The following H2AZ2 variants were observed in gnomAD, a reference collection of about 807,000 sequenced individuals.
H2AZ2 encodes the protein histone H2A.V.
Under a neutral mutation model 15.5 loss-of-function variants are expected in H2AZ2, and 5 were observed. The observed-to-expected ratio is 0.32, with a 90% CI of 0.17 to 0.68. The LOEUF is 0.68. Ranked by LOEUF, H2AZ2 falls within the 30% of genes least tolerant of loss-of-function variation. The pLI, the probability that H2AZ2 is intolerant of heterozygous loss-of-function variation, is 0.72. For missense variants in H2AZ2, 42 were observed against 162.5 expected (o/e 0.26, Z 4.03); for synonymous variants, 44 against 57.4 (o/e 0.77, Z 1.05).
At chr7:44,843,194 A>T in intron 2 of H2AZ2, 83 bp downstream of exon 2, 1 of 418,014 alleles carries the variant, frequency 2.4e-6, no homozygotes, top group South Asian at 2.6e-5. Flanking sequence ...TAATACAAGT[A>T]GATTTTTGTA....
At chr7:44,837,832 G>A (rs148649947) in intron 3 of H2AZ2, among the ~76,000 whole-genome samples, 24 of 38,798 alleles carry the variant, frequency 6.2e-4, no homozygotes, top group South Asian at 1.7e-3. Flanking sequence ...TTAAAAAAAA[G>A]GGGGGGGGGG....
At chr7:44,827,954 T>C (rs1039316979), downstream of H2AZ2, 11 of 152,354 alleles carry the variant, frequency 7.2e-5, no homozygotes, top group African/African-American at 2.4e-4. Context: ...TTTAGTTTTC[T>C]AGGTGCATAA....
downstream of H2AZ2, chr7:44,830,083 A>G: frequency 6.4e-7 from 1 of 1,552,938 alleles, no homozygotes; most frequent in African/African-American, 1.4e-5. Flanking sequence ...ATCCCAGTAG[A>G]ATCTTGTTCC....
intron 2 of H2AZ2, among the ~76,000 whole-genome samples, chr7:44,842,001 C>T (rs1252480168): frequency 6.6e-6 from 1 of 152,228 alleles, no homozygotes; most frequent in Non-Finnish European, 1.5e-5. Flanking sequence ...CTAACCCTAA[C>T]TTGACCTTTG....
chr7:44,837,061 A>G lies in H2AZ2; in HGVS notation c.196-1403T>C, dbSNP rs1001252472. 5.3e-5 allele frequency among the ~76,000 whole-genome samples: 8 copies of G among 152,082 alleles called. No individual in the cohort carries two copies. In the East Asian group the frequency reaches 1.6e-3, roughly 30 times the overall value. On this transcript the variant is annotated intron_variant, in intron 3 of 4. Transcript: ENST00000308153. ...AAAAAAACAGACACAGGGTTTCACCATATTGGCCAGGCTGGTCTCAAATTC... is the reference window on the plus strand; with the variant it reads ...AAAAAAACAGACACAGGGTTTCACCGTATTGGCCAGGCTGGTCTCAAATTC...
chr7:44,828,256 G>A (rs1343396433), downstream of H2AZ2: 5 of 152,234 alleles, frequency 3.3e-5, no homozygotes, highest in East Asian at 5.8e-4. Context: ...AACGACCTTG[G>A]TACTTCCTGC....
intron 4 of H2AZ2, 152 bp downstream of exon 4, chr7:44,835,377 T>C: frequency 1.9e-6 from 1 of 536,436 alleles, no homozygotes; most frequent in African/African-American, 1.9e-5. Flanking sequence ...CAGATCATTA[T>C]GAAAAGCTTA....
At chr7:44,830,310 A>G (rs17134715), downstream of H2AZ2, 550 of 724,534 alleles carry the variant, frequency 7.6e-4, 2 homozygotes, top group African/African-American at 9.0e-3. Context: ...TCACTGGATA[A>G]CTACTGGAAC....
intron 3 of H2AZ2, among the ~76,000 whole-genome samples, chr7:44,836,992 T>G (rs917724288): frequency 2.1e-5 from 3 of 144,054 alleles, no homozygotes; most frequent in Non-Finnish European, 4.6e-5. Flanking sequence ...CGAGACTCTG[T>G]CTCGAAAAGA....
At chr7:44,843,945 T>C (rs1455633401) in intron 1 of H2AZ2, among the ~76,000 whole-genome samples, 1 of 152,062 alleles carries the variant, frequency 6.6e-6, no homozygotes, top group Non-Finnish European at 1.5e-5. Context: ...TATGCATACA[T>C]GAAATATTTC....
intron 4 of H2AZ2, 147 bp from the exon 5 acceptor site, chr7:44,834,709 G>C (rs987587418): frequency 3.0e-6 from 2 of 659,708 alleles, no homozygotes; most frequent in Non-Finnish European, 4.9e-6. Context: ...TACACCCCAG[G>C]GGTCTGTGAA....
chr7:44,841,781 T>C (rs1793281738), intron 2 of H2AZ2, among the ~76,000 whole-genome samples: 1 of 152,234 alleles, frequency 6.6e-6, no homozygotes, highest in Non-Finnish European at 1.5e-5. Flanking sequence ...TCTGTGCCTT[T>C]CTTACAGGCC....
intron 2 of H2AZ2, among the ~76,000 whole-genome samples, chr7:44,841,654 C>A (rs767069821): frequency 4.1e-4 from 63 of 152,208 alleles, no homozygotes; most frequent in Non-Finnish European, 6.6e-4. Context: ...GGATTATAGG[C>A]GCGCCAGGAC....
chr7:44,828,047 T>C (rs935257590), downstream of H2AZ2: 3 of 152,200 alleles, frequency 2.0e-5, no homozygotes, highest in Non-Finnish European at 4.4e-5. Flanking sequence ...TGGCTATTTT[T>C]TTCTGTTAGT....
Position 44,841,023 on chromosome 7 carries a change from G to T in H2AZ2, c.82-11C>A. ...GCGGCCCACAGGAAACTAAAAGAGA[G>T]ATGTCTTAGTGGGAAGCACTGCAGA... On this transcript the variant is annotated splice_polypyrimidine_tract_variant and intron_variant, in intron 2 of 4. Coordinates refer to ENST00000308153, the MANE Select transcript of H2AZ2 (RefSeq NM_012412.5). The T allele has an allele frequency of 6.2e-7, 1 of 1,600,520 alleles. No homozygotes were observed. The highest frequency in any genetic ancestry group is 8.6e-7 in the Non-Finnish European group (1 of 1,167,842).
chr7:44,843,800 C>T (rs571885803), intron 1 of H2AZ2, among the ~76,000 whole-genome samples: 5 of 152,174 alleles, frequency 3.3e-5, no homozygotes, highest in East Asian at 3.9e-4. Context: ...TCAAGTGATC[C>T]GCCCGCCTAG....
chr7:44,828,057 T>C (rs1792950511), downstream of H2AZ2: 1 of 152,208 alleles, frequency 6.6e-6, no homozygotes, highest in Non-Finnish European at 1.5e-5. Flanking sequence ...TTTCTGTTAG[T>C]TCACATATTA....
rs1176788368 is a variant in H2AZ2 at position 44,847,887 on chromosome 7, C to G, written c.3+82G>C. ...CCAGACACCCGCAAACTCCCGACTCCACAGGTAGCGGCGCCGACGCCAGGG... is the reference window on the plus strand; with the variant it reads ...CCAGACACCCGCAAACTCCCGACTCGACAGGTAGCGGCGCCGACGCCAGGG... On this transcript the variant is annotated intron_variant, in intron 1 of 4. Transcript: ENST00000308153. 2.0e-6 allele frequency: 3 copies of G among 1,526,012 alleles called. No homozygotes were observed. In the East Asian group the frequency reaches 8.2e-5, roughly 42 times the overall value. 94.5% of individuals were successfully genotyped at this position (1,526,012 alleles called of 1,614,324 possible).
chr7:44,846,874 T>G (rs535315489), intron 1 of H2AZ2, among the ~76,000 whole-genome samples: 1 of 151,820 alleles, frequency 6.6e-6, no homozygotes, highest in Non-Finnish European at 1.5e-5. Flanking sequence ...AACTATACGT[T>G]AGACGTTGGA....
Sources: gnomAD v4.1 joint callset for allele counts (sites outside exome capture counted in the v4.1 genomes callset) on GRCh38, gnomAD v4.1.1 for gene constraint, MANE v1.5 for transcripts, NCBI Gene and HGNC (gene_info 2026-07-23, HGNC 2026-07-21) for gene names.